SLAIN1: variants seen among roughly 807,000 people sequenced by gnomAD.
The protein encoded by SLAIN1 is SLAIN motif-containing protein 1.
In SLAIN1, 17 loss-of-function variants were observed where a neutral mutation model predicts 55.4. The observed-to-expected ratio is 0.31, with a 90% confidence interval of 0.21 to 0.46. The LOEUF is 0.46. Among genes scored for constraint, SLAIN1 ranks in the 20% least tolerant of loss-of-function variants. SLAIN1 has a pLI of 1.00. For synonymous variants in SLAIN1, 348 were observed against 337.4 expected (o/e 1.03, Z -0.35); for missense variants, 682 against 785.1 (o/e 0.87, Z 1.57).
Position 77,746,547 on chromosome 13 carries a change from C to T in SLAIN1, c.950C>T (p.Ser317Phe), listed in dbSNP as rs768441940. Residue 317 changes from serine (S) to phenylalanine (F), a missense_variant, in exon 4 of 7, where the codon TCT becomes TTT. Ser to Phe is a radical substitution (Grantham distance 155). Coordinates refer to ENST00000418532, the MANE Select transcript of SLAIN1 (RefSeq NM_001242868.2). ...CAAGATTATGCTTCTACTTCAGCAT[C>T]TGTATCAAGACATAGTTCCAGTGTG... ...LRQDYASTSA[S>F]VSRHSSSVSL... 6.2e-7 allele frequency: 1 copy of T among 1,609,414 alleles called. No individual in the cohort carries two copies. Among genetic ancestry groups the T allele is most frequent in the East Asian group, 2.2e-5 (1 of 44,770 alleles).
intron 2 of SLAIN1, chr13:77,743,454 AC>A (rs1339286038): frequency 6.3e-6 from 1 of 159,036 alleles, no homozygotes; most frequent in Non-Finnish European, 1.4e-5. Context: ...AATGTCAAAC[AC>A]AATTAAGGTA....
intron 5 of SLAIN1, among the ~76,000 whole-genome samples, chr13:77,755,652 A>G (rs1874545672): frequency 6.6e-6 from 1 of 152,208 alleles, no homozygotes; most frequent in Admixed American, 6.5e-5. Context: ...CTGATGGAAT[A>G]AAATAAATAT....
In SLAIN1 at chr13:77,697,782, T is replaced by C; in HGVS notation, c.-132T>C. 3.0e-6 allele frequency: 3 copies of C among 988,222 alleles called. No homozygotes were observed. The highest frequency in any genetic ancestry group is 3.8e-6 in the Non-Finnish European group (3 of 789,352). The allele number at this position is 988,222 out of a possible 1,614,324, so 61.2% of individuals were successfully genotyped here. ...CCCGGTGCTGATGCGAACCGCCGGC[T>C]CGGCCTCAGCCCGCGCGTGGTCGGC... On this transcript the variant is annotated 5_prime_UTR_variant, in exon 1 of 7. Transcript: ENST00000418532.
chr13:77,705,174 GAGACTTTGTTTTCC>G (rs1306487514), intron 1 of SLAIN1, among the ~76,000 whole-genome samples: 7 of 151,694 alleles, frequency 4.6e-5, no homozygotes, highest in Non-Finnish European at 7.4e-5. Flanking sequence ...GAGAATAACT[GAGACTTTGTTTTCC>G]AGACAGTTGT....
intron 2 of SLAIN1, among the ~76,000 whole-genome samples, chr13:77,720,938 G>T (rs994037558): frequency 6.6e-6 from 1 of 151,876 alleles, no homozygotes; most frequent in African/African-American, 2.4e-5. Context: ...GCATGTTAGG[G>T]TTAAAACTTT....
At chr13:77,743,428 T>C (rs979516049) in intron 2 of SLAIN1, 1 of 161,232 alleles carries the variant, frequency 6.2e-6, no homozygotes, top group Non-Finnish European at 1.4e-5. Context: ...CAAATGCTTA[T>C]GTGCTTTTAA....
intron 1 of SLAIN1, among the ~76,000 whole-genome samples, chr13:77,708,315 A>G (rs1566219989): frequency 6.6e-6 from 1 of 152,222 alleles, no homozygotes; most frequent in Non-Finnish European, 1.5e-5. Context: ...TCCAGAGTCA[A>G]GCTGGTTGGA....
intron 1 of SLAIN1, among the ~76,000 whole-genome samples, chr13:77,713,185 G>T (rs1284642587): frequency 6.6e-6 from 1 of 152,118 alleles, no homozygotes; most frequent in Non-Finnish European, 1.5e-5. Flanking sequence ...AAGAGCAATG[G>T]CAACAAAAGC....
intron 2 of SLAIN1, among the ~76,000 whole-genome samples, chr13:77,722,175 C>A (rs1350326845): frequency 6.6e-6 from 1 of 151,758 alleles, no homozygotes; most frequent in East Asian, 1.9e-4. Flanking sequence ...TTTAAACTTC[C>A]TGTAAAAGTT....
intron 1 of SLAIN1, among the ~76,000 whole-genome samples, chr13:77,711,505 C>G (rs541124069): frequency 6.6e-6 from 1 of 152,242 alleles, no homozygotes; most frequent in South Asian, 2.1e-4. Flanking sequence ...GACACAAACA[C>G]CCTCCCCAGA....
At chr13:77,718,992 T>A (rs937428512) in intron 1 of SLAIN1, among the ~76,000 whole-genome samples, 6 of 152,130 alleles carry the variant, frequency 3.9e-5, no homozygotes, top group Non-Finnish European at 8.8e-5. Flanking sequence ...AAGAAACATA[T>A]ACCAAGGTTA....
chr13:77,698,348 G>A lies in SLAIN1; in HGVS notation c.435G>A (p.Ala145=). The change falls in exon 1 of 7, where the codon GCG becomes GCA. Residue 145 remains alanine, a synonymous_variant. Coordinates refer to ENST00000418532, the MANE Select transcript of SLAIN1 (RefSeq NM_001242868.2). This position sits in a 1 kb window ranked among gnomAD's most constrained non-coding sequence, Gnocchi z 4.1. The part of the protein sequence containing the change: ...LLCSLAQPPE[A]PFVYFKPAAG... ...GCAGCCTGGCGCAGCCACCCGAGGC[G>A]CCCTTCGTCTACTTCAAGCCGGCAG... 6.9e-7 allele frequency: 1 copy of A among 1,447,356 alleles called. No individual in the cohort carries two copies. Among genetic ancestry groups the A allele is most frequent in the Non-Finnish European group, 9.1e-7 (1 of 1,101,990 alleles). The allele number at this position is 1,447,356 out of a possible 1,614,324, so 89.7% of individuals were successfully genotyped here.
Position 77,698,981 on chromosome 13 carries a change from C to T in SLAIN1, c.626+442C>T. The T allele has an allele frequency of 6.5e-7, 1 of 1,534,654 alleles. No individual in the cohort carries two copies. Among genetic ancestry groups the T allele is most frequent in the Non-Finnish European group, 8.7e-7 (1 of 1,146,784 alleles). On this transcript the variant is annotated intron_variant, in intron 1 of 6. Coordinates refer to ENST00000418532, the MANE Select transcript of SLAIN1 (RefSeq NM_001242868.2). The surrounding 1 kb of genome is among the most constrained non-coding windows in gnomAD (Gnocchi z 4.1). Reference sequence around the variant, plus strand: ...ACTGTTCTTTCGTTTTAAACGAACGCTGGACAGGATTTGCGTGCTCTTCCT... The same window carrying T: ...ACTGTTCTTTCGTTTTAAACGAACGTTGGACAGGATTTGCGTGCTCTTCCT...
At chr13:77,722,356 T>A (rs1287812461) in intron 2 of SLAIN1, among the ~76,000 whole-genome samples, 4 of 152,142 alleles carry the variant, frequency 2.6e-5, no homozygotes, top group Non-Finnish European at 5.9e-5. Context: ...AATTCTTTTT[T>A]AAAAAATTCA....
intron 2 of SLAIN1, 61 bp downstream of exon 2, chr13:77,719,732 T>G (rs891385239): frequency 1.9e-6 from 3 of 1,565,694 alleles, no homozygotes; most frequent in African/African-American, 2.7e-5. Context: ...GCTGCTTTTG[T>G]TGCTGGTTTT....
intron 3 of SLAIN1, among the ~76,000 whole-genome samples, chr13:77,745,395 A>T (rs1372732151): frequency 6.6e-6 from 1 of 152,054 alleles, no homozygotes; most frequent in Non-Finnish European, 1.5e-5. Context: ...TAAGCACTGC[A>T]TGTGAGTCTA....
At chr13:77,740,889 A>T (rs545385857) in intron 2 of SLAIN1, among the ~76,000 whole-genome samples, 1 of 152,078 alleles carries the variant, frequency 6.6e-6, no homozygotes, top group Non-Finnish European at 1.5e-5. Context: ...AACCTTGGGC[A>T]CTAGTGGAGC....
chr13:77,718,557 C>T (rs1214136940), intron 1 of SLAIN1, among the ~76,000 whole-genome samples: 4 of 152,028 alleles, frequency 2.6e-5, no homozygotes, highest in Non-Finnish European at 5.9e-5. Flanking sequence ...AATAGGTGAA[C>T]GTTTTGTCTA....
chr13:77,744,650 T>G (rs1873694782), intron 3 of SLAIN1: 1 of 666,030 alleles, frequency 1.5e-6, no homozygotes, highest in Non-Finnish European at 2.5e-6. Flanking sequence ...TGGACATTGC[T>G]GGTATTGTCA....
Sources: allele counts gnomAD v4.1 joint callset (sites outside exome capture counted in the v4.1 genomes callset), GRCh38; gene constraint gnomAD v4.1.1; non-coding constraint Gnocchi (gnomAD v3.1); transcripts MANE v1.5; gene names NCBI Gene and HGNC (gene_info 2026-07-23, HGNC 2026-07-21).